Variants in PJVK observed in about 807,000 individuals in gnomAD.
PJVK encodes pejvakin.
A neutral mutation model predicts 37.6 loss-of-function variants in PJVK; 33 were observed. The observed-to-expected ratio is 0.88, with a 90% CI of 0.67 to 1.17. PJVK has a LOEUF of 1.17. PJVK is among the 50% of genes most tolerant of loss of function. The pLI, the probability that PJVK is intolerant of heterozygous loss-of-function variation, is 0.00. For synonymous variants in PJVK, 141 were observed against 143.5 expected (o/e 0.98, Z 0.13); for missense variants, 410 against 413.8 (o/e 0.99, Z 0.08).
At chr2:178,458,706 C>T in intron 5 of PJVK, 79 bp downstream of exon 5, 1 of 1,091,868 alleles carries the variant, frequency 9.2e-7, no homozygotes, top group Non-Finnish European at 1.4e-6. Flanking sequence ...CTCTCTCTCT[C>T]TTTTCTCTCA....
At chr2:178,453,797 A>G (rs1350793674) in intron 2 of PJVK, 177 bp downstream of exon 2, 3 of 576,160 alleles carry the variant, frequency 5.2e-6, no homozygotes, top group South Asian at 4.2e-5. Context: ...TTTGTATAAT[A>G]TCAAATCTCT....
rs1472603898 is a variant in PJVK, at chr2:178,461,374, A to G, written c.*100A>G. 7.1e-7 allele frequency: 1 copy of G among 1,412,502 alleles called. No homozygotes were observed. Among genetic ancestry groups the G allele is most frequent in the Non-Finnish European group, 9.8e-7 (1 of 1,017,482 alleles). 87.5% of individuals were successfully genotyped at this position (1,412,502 alleles called of 1,614,324 possible). On this transcript the variant is annotated 3_prime_UTR_variant, in exon 7 of 7. Coordinates refer to ENST00000644580, the MANE Select transcript of PJVK (RefSeq NM_001042702.5). ...TGCTTTGATGAATTAAATTAAAATG[A>G]GAAAAGCAAAAAGAAATTAACCTGT... is the stretch of plus-strand genomic sequence containing the variant.
chr2:178,456,164 T>G lies in PJVK; in HGVS notation c.549+13T>G, dbSNP rs1684067604. ...GGAAGCAATGCGGGTAAACCACACTTGTTGGGTTCTCTTACTAACTAAAGT... is the reference window on the plus strand; with the variant it reads ...GGAAGCAATGCGGGTAAACCACACTGGTTGGGTTCTCTTACTAACTAAAGT... On this transcript the variant is annotated intron_variant, in intron 4 of 6. Coordinates refer to ENST00000644580, the MANE Select transcript of PJVK (RefSeq NM_001042702.5). 1 of 1,613,280 alleles carries G rather than the reference T, an allele frequency of 6.2e-7. No homozygotes were observed. Among genetic ancestry groups the G allele is most frequent in the Non-Finnish European group, 8.5e-7 (1 of 1,179,574 alleles).
rs1242036204 is a variant in PJVK at position 178,461,160 on chromosome 2, G to A, written c.945G>A (p.Gly315=). The A allele has an allele frequency of 1.2e-6, 2 of 1,614,176 alleles. No homozygotes were observed. The highest frequency in any genetic ancestry group is 1.7e-5 in the Admixed American group (1 of 60,026). Residue 315 remains glycine (G), a synonymous_variant, in exon 7 of 7, where the codon GGG becomes GGA. Coordinates refer to ENST00000644580, the MANE Select transcript of PJVK (RefSeq NM_001042702.5). ...PKGPCILCGM[G]NFKRETVYGC... is the part of the protein sequence containing the mutation. The stretch of plus-strand genomic sequence containing the variant: ...GGCCTTGCATACTCTGTGGAATGGG[G>A]AACTTCAAAAGGGAGACAGTTTATG...
Position 178,458,462 on chromosome 2 carries a change from C to G in PJVK, c.550-48C>G, listed in dbSNP as rs1442436388. The G allele has an allele frequency of 3.5e-6, 5 of 1,414,172 alleles. No homozygotes were observed. In the South Asian group the frequency reaches 5.9e-5, roughly 17 times the overall value. The allele number at this position is 1,414,172 out of a possible 1,614,324, so 87.6% of individuals were successfully genotyped here. ...ATGTTTCATTTCTCCAAAAAGCTATCCTTACATGTTATGATCCTTAATTAT... is the reference window on the plus strand; with the variant it reads ...ATGTTTCATTTCTCCAAAAAGCTATGCTTACATGTTATGATCCTTAATTAT... On this transcript the variant is annotated intron_variant, in intron 4 of 6. Transcript: ENST00000644580.
intron 1 of PJVK, chr2:178,452,585 T>C: frequency 1.0e-6 from 1 of 985,444 alleles, no homozygotes; most frequent in Non-Finnish European, 1.2e-6. Flanking sequence ...ATTCATTTTT[T>C]GCCACAAAAT....
At chr2:178,458,708 TTTCTC>T (rs1199419973) in intron 5 of PJVK, 81 bp downstream of exon 5, 10 of 1,072,792 alleles carry the variant, frequency 9.3e-6, no homozygotes, top group African/African-American at 6.2e-5. Context: ...CTCTCTCTCT[TTTCTC>T]TCATTTCTCG....
chr2:178,452,190 G>A (rs1697715156), intron 1 of PJVK: 1 of 636,806 alleles, frequency 1.6e-6, no homozygotes, highest in African/African-American at 2.0e-5. Context: ...CTACTCGGGA[G>A]GCTAAAGCAG....
intron 6 of PJVK, 121 bp from the exon 7 acceptor site, chr2:178,460,861 A>AG: frequency 1.1e-6 from 1 of 901,774 alleles, no homozygotes; most frequent in Non-Finnish European, 1.6e-6. Flanking sequence ...AAAAAAAAAA[A>AG]AAAAAAAAAA....
In PJVK at chr2:178,455,217, C is replaced by G. The variant is rs547910660; in HGVS notation, c.407+690C>G. ...TGGAGCCGCTTGGTGTCCAGTGACCCTGAGATCAATACCAAGAAGATTAAC... is the reference window on the plus strand; with the variant it reads ...TGGAGCCGCTTGGTGTCCAGTGACCGTGAGATCAATACCAAGAAGATTAAC... On this transcript the variant is annotated intron_variant, in intron 3 of 6. Coordinates refer to ENST00000644580, the MANE Select transcript of PJVK (RefSeq NM_001042702.5). The G allele has an allele frequency of 8.9e-6, 14 of 1,566,514 alleles. No homozygotes were observed. The East Asian group carries it at 2.7e-4, about 30-fold the overall frequency.
intron 1 of PJVK, 139 bp from the exon 2 acceptor site, chr2:178,453,249 A>G (rs762258765): frequency 8.7e-6 from 6 of 690,322 alleles, no homozygotes; most frequent in Middle Eastern, 7.8e-4. Flanking sequence ...GAGCAGAGGC[A>G]GGGAATTATA....
chr2:178,453,453 A>C lies in PJVK; in HGVS notation c.44A>C (p.Asp15Ala), dbSNP rs1285948260. 1 of 1,614,154 alleles carries C rather than the reference A, an allele frequency of 6.2e-7. No homozygotes were observed. The highest frequency in any genetic ancestry group is 1.3e-5 in the African/African-American group (1 of 75,056). ...AAGAGCTTTGTCAAGCAAGTTGGAG[A>C]TGGAGGGAGATTAGTTCCTGTTCCA... ...ATKSFVKQVGDGGRLVPVPSL... is the reference protein window; with the variant it reads ...ATKSFVKQVGAGGRLVPVPSL... The change falls in exon 2 of 7, where the codon GAT (aspartate) becomes GCT (alanine). Residue 15 changes from aspartate to alanine, a missense_variant. Asp to Ala is a moderately radical substitution (Grantham distance 126). Transcript: ENST00000644580.
rs1406369722 is a variant in PJVK at position 178,456,076 on chromosome 2, G to A, written c.474G>A (p.Val158=). Residue 158 remains valine (V), a synonymous_variant, in exon 4 of 7, where the codon GTG becomes GTA. Coordinates refer to ENST00000644580, the MANE Select transcript of PJVK (RefSeq NM_001042702.5). ...GCAGCAGAAAGGCAGTATTGTGTGT[G>A]GTCATGGAGAGCATCCGAACCACAC... ...SRSSRKAVLC[V]VMESIRTTRQ... 1.2e-6 allele frequency: 2 copies of A among 1,614,170 alleles called. No individual in the cohort carries two copies. Among genetic ancestry groups the A allele is most frequent in the Non-Finnish European group, 1.7e-6 (2 of 1,180,028 alleles).
intron 4 of PJVK, among the ~76,000 whole-genome samples, chr2:178,458,228 A>G (rs1157236798): frequency 6.7e-6 from 1 of 149,424 alleles, no homozygotes; most frequent in Non-Finnish European, 1.5e-5. Context: ...AAAAAAAAAA[A>G]GGCTTCTGCT....
In PJVK at chr2:178,461,584, C is replaced by CTTTTTT. The variant is rs536141412; in HGVS notation, c.*323_*328dup. ...GATGTAGTCTATCATTTTAGTTCACCTTTTTTTTTTTTTTTTTTGAGACAG... is the reference window on the plus strand; with the variant it reads ...GATGTAGTCTATCATTTTAGTTCACCTTTTTTTTTTTTTTTTTTTTTTTTGAGACAG... On this transcript the variant is annotated 3_prime_UTR_variant, in exon 7 of 7. Coordinates refer to ENST00000644580, the MANE Select transcript of PJVK (RefSeq NM_001042702.5). 2.9e-3 allele frequency among the ~76,000 whole-genome samples: 355 copies of CTTTTTT among 122,756 alleles called. 9 individuals are homozygous for CTTTTTT. Among genetic ancestry groups the CTTTTTT allele is most frequent in the East Asian group, 0.011 (39 of 3,642 alleles). 80.5% of individuals were successfully genotyped at this position (122,756 alleles called of 152,430 possible).
rs369805509 is a variant in PJVK, at chr2:178,456,039, G to A, written c.437G>A (p.Arg146His). The A allele has an allele frequency of 4.8e-5, 77 of 1,613,986 alleles. No individual in the cohort carries two copies. The highest frequency in any genetic ancestry group is 5.9e-5 in the Non-Finnish European group (70 of 1,180,026). Residue 146 changes from arginine to histidine, a missense_variant, in exon 4 of 7, where the codon CGT becomes CAT. Coordinates refer to ENST00000644580, the MANE Select transcript of PJVK (RefSeq NM_001042702.5). ...RKINFDHSLI[R>H]QSRSSRKAVL... ...ATTAACTTTGACCACAGCTTGATAC[G>A]TCAGTCAAGGAGCAGCAGAAAGGCA...
At position 178,454,310 on chromosome 2, in the gene PJVK, TACTG is replaced by T. The variant is rs1489709140; in HGVS notation, c.212-20_212-17del. On this transcript the variant is annotated intron_variant, in intron 2 of 6. Coordinates refer to ENST00000644580, the MANE Select transcript of PJVK (RefSeq NM_001042702.5). Reference sequence around the variant, plus strand: ...ACATAAGATAAAGATGTTTAAAAAATACTGAGTTTCTTCTTATAAAGGTATTTCA... The same window carrying T: ...ACATAAGATAAAGATGTTTAAAAAATAGTTTCTTCTTATAAAGGTATTTCA... The T allele has an allele frequency of 2.5e-6, 4 of 1,591,220 alleles. No homozygotes were observed. The highest frequency in any genetic ancestry group is 3.4e-6 in the Non-Finnish European group (4 of 1,162,122).
At chr2:178,456,689 C>A (rs1245484250) in intron 4 of PJVK, among the ~76,000 whole-genome samples, 1 of 152,142 alleles carries the variant, frequency 6.6e-6, no homozygotes, top group African/African-American at 2.4e-5. Flanking sequence ...ATCACTTGAA[C>A]CTGGGAGGTG....
rs536141412 is a variant in PJVK, at chr2:178,461,584, C to CTTTTTTTTT, written c.*320_*328dup. Reference sequence around the variant, plus strand: ...GATGTAGTCTATCATTTTAGTTCACCTTTTTTTTTTTTTTTTTTGAGACAG... The same window carrying CTTTTTTTTT: ...GATGTAGTCTATCATTTTAGTTCACCTTTTTTTTTTTTTTTTTTTTTTTTTTTGAGACAG... On this transcript the variant is annotated 3_prime_UTR_variant, in exon 7 of 7. Transcript: ENST00000644580. 8.1e-6 allele frequency among the ~76,000 whole-genome samples: 1 copy of CTTTTTTTTT among 122,784 alleles called. No homozygotes were observed. Among genetic ancestry groups the CTTTTTTTTT allele is most frequent in the African/African-American group, 3.2e-5 (1 of 30,998 alleles). 80.6% of individuals were successfully genotyped at this position (122,784 alleles called of 152,430 possible).
Sources: allele counts gnomAD v4.1 joint callset (sites outside exome capture counted in the v4.1 genomes callset), GRCh38; gene constraint gnomAD v4.1.1; transcripts MANE v1.5; gene names NCBI Gene and HGNC (gene_info 2026-07-23, HGNC 2026-07-21).